PLAC1: variants seen among roughly 807,000 people sequenced by gnomAD.
PLAC1 encodes the protein placenta associated 1, also known as placenta-specific protein 1.
For missense variants in PLAC1, 136 were observed against 163.2 expected (o/e 0.83, Z 0.91); for synonymous variants, 68 against 62.1 (o/e 1.09, Z -0.44).
chrX:134,645,942 C>T (rs1457583472), intron 1 of PLAC1, among the ~76,000 whole-genome samples: 4 of 111,737 alleles, frequency 3.6e-5, no homozygotes, highest in African/African-American at 6.5e-5. Context: ...CCTTTACATA[C>T]GGTTGGACCA....
At chrX:134,605,576 T>C (rs2078118609) in intron 1 of PLAC1, 2 of 112,677 alleles carry the variant, frequency 1.8e-5, no homozygotes, top group Non-Finnish European at 3.8e-5. Flanking sequence ...TATCCATTTG[T>C]GTAGCTAAAA....
intron 1 of PLAC1, among the ~76,000 whole-genome samples, chrX:134,612,800 C>A (rs1230213023): frequency 9.0e-6 from 1 of 111,246 alleles, no homozygotes; most frequent in Non-Finnish European, 1.9e-5. Context: ...CTTTGCCCTG[C>A]CCCTGAGCCG....
chrX:134,737,779 G>T (rs2078706619), intron 1 of PLAC1, among the ~76,000 whole-genome samples: 1 of 112,629 alleles, frequency 8.9e-6, no homozygotes, highest in African/African-American at 3.2e-5. Context: ...AGTCAGGTGG[G>T]GGCGCCGAAA....
intron 2 of PLAC1, among the ~76,000 whole-genome samples, chrX:134,680,109 G>A (rs2078489236): frequency 9.0e-6 from 1 of 111,679 alleles, no homozygotes; most frequent in African/African-American, 3.3e-5. Context: ...GAAGGACATG[G>A]GTACTCTTGT....
At chrX:134,651,874 G>A (rs981597576) in intron 1 of PLAC1, among the ~76,000 whole-genome samples, 16 of 111,074 alleles carry the variant, frequency 1.4e-4, no homozygotes, top group Non-Finnish European at 3.0e-4. Context: ...AATGTGTTCA[G>A]TAGACAAATG....
At chrX:134,619,229 T>A (rs2078199158) in intron 1 of PLAC1, among the ~76,000 whole-genome samples, 1 of 112,544 alleles carries the variant, frequency 8.9e-6, no homozygotes, top group Admixed American at 9.4e-5. Context: ...TGAGGAAAGC[T>A]GTAGATCCTC....
intron 1 of PLAC1, among the ~76,000 whole-genome samples, chrX:134,629,638 G>A (rs1428163248): frequency 9.0e-6 from 1 of 111,725 alleles, no homozygotes; most frequent in Non-Finnish European, 1.9e-5. Flanking sequence ...CTTGGGTCAA[G>A]CCCTTGTGAT....
intron 1 of PLAC1, among the ~76,000 whole-genome samples, chrX:134,637,340 G>T (rs1416997445): frequency 9.0e-6 from 1 of 111,433 alleles, no homozygotes; most frequent in Non-Finnish European, 1.9e-5. Context: ...TCCCCCAACT[G>T]TTCCACCTCC....
intron 1 of PLAC1, among the ~76,000 whole-genome samples, chrX:134,618,847 G>C (rs1569389122): frequency 1.8e-5 from 2 of 112,462 alleles, no homozygotes; most frequent in Non-Finnish European, 3.7e-5. Context: ...CTGAAGTCAT[G>C]CAACAAAGAT....
chrX:134,647,364 G>A (rs1416084137), intron 1 of PLAC1, among the ~76,000 whole-genome samples: 1 of 109,961 alleles, frequency 9.1e-6, no homozygotes. Flanking sequence ...CTGCTGTGTT[G>A]AACTGAGGGA....
intron 2 of PLAC1, among the ~76,000 whole-genome samples, chrX:134,674,880 C>T (rs927123649): frequency 8.9e-6 from 1 of 112,588 alleles, no homozygotes; most frequent in Non-Finnish European, 1.9e-5. Flanking sequence ...AGAAAGAACT[C>T]GGCCTAAGCT....
rs1401258139 is a variant in PLAC1 at position 134,565,984 on chromosome X, A to G, written c.*60T>C. On this transcript the variant is annotated 3_prime_UTR_variant, in exon 3 of 3. Coordinates refer to ENST00000359237, the MANE Select transcript of PLAC1 (RefSeq NM_021796.4). ...TCACAAGAGCACTTATTTGTCAGAC[A>G]TTTGTACACTATATACTAATTCTAG... 1 of 1,034,810 alleles carries G rather than the reference A, an allele frequency of 9.7e-7. No homozygotes were observed. 85.3% of individuals were successfully genotyped at this position (1,034,810 alleles called of 1,213,427 possible). A position where few individuals can be genotyped will look rare whatever the true frequency, so the allele number is the denominator to read the frequency against.
chrX:134,641,456 C>T (rs73224753), intron 1 of PLAC1, among the ~76,000 whole-genome samples: 1,947 of 112,007 alleles, frequency 0.017, 20 homozygotes, highest in Middle Eastern at 0.028. Flanking sequence ...CCTACAATTT[C>T]AGAATGAGTT....
intron 2 of PLAC1, among the ~76,000 whole-genome samples, chrX:134,575,460 A>C (rs543576125): frequency 1.8e-3 from 165 of 91,744 alleles, no homozygotes; most frequent in African/African-American, 8.4e-3. Context: ...AAAACAAACA[A>C]AAAAAAAAGA....
chrX:134,601,692 C>T (rs2124385641), intron 2 of PLAC1: 1 of 112,423 alleles, frequency 8.9e-6, no homozygotes, highest in East Asian at 2.8e-4. Context: ...TATAACAACA[C>T]ATAAATCTCT....
chrX:134,732,724 G>GT (rs199731525), intron 2 of PLAC1, among the ~76,000 whole-genome samples: 2,963 of 112,332 alleles, frequency 0.026, 82 homozygotes, highest in African/African-American at 0.089. Context: ...AGCCTCCTGA[G>GT]TCAGGAACGG....
At chrX:134,717,135 A>G (rs1189569571) in intron 2 of PLAC1, among the ~76,000 whole-genome samples, 3 of 112,027 alleles carry the variant, frequency 2.7e-5, no homozygotes, top group Non-Finnish European at 5.6e-5. Flanking sequence ...ATGGGTAAAG[A>G]TGGTAGAAAT....
intron 1 of PLAC1, among the ~76,000 whole-genome samples, chrX:134,737,468 GAA>G (rs1475996532): frequency 8.9e-6 from 1 of 112,611 alleles, no homozygotes; most frequent in African/African-American, 3.2e-5. Flanking sequence ...ATGGCAGCTA[GAA>G]AAAGAGACGC....
intron 2 of PLAC1, among the ~76,000 whole-genome samples, chrX:134,724,882 T>C (rs929052182): frequency 9.0e-6 from 1 of 110,528 alleles, no homozygotes; most frequent in Non-Finnish European, 1.9e-5. Context: ...AGTGCACCTG[T>C]AGTCCCAGCT....
Sources: allele counts gnomAD v4.1 joint callset (sites outside exome capture counted in the v4.1 genomes callset), GRCh38; gene constraint gnomAD v4.1.1; transcripts MANE v1.5; gene names NCBI Gene and HGNC (gene_info 2026-07-23, HGNC 2026-07-21).